The following ACVR1 variants were observed in gnomAD, a reference collection of about 807,000 sequenced individuals.
ACVR1 encodes activin A receptor type 1, also known as activin receptor type-1.
Under a neutral mutation model 57.1 loss-of-function variants are expected in ACVR1, and 38 were observed. That is an observed-to-expected ratio of 0.67 (90% CI 0.51 to 0.87). The LOEUF is 0.87. Ranked by LOEUF, ACVR1 falls within the 40% of genes least tolerant of loss-of-function variation. ACVR1 has a pLI of 0.00. For missense variants in ACVR1, 463 were observed against 638.2 expected (o/e 0.73, Z 2.96); for synonymous variants, 212 against 228.1 (o/e 0.93, Z 0.63).
intron 9 of ACVR1, among the ~76,000 whole-genome samples, chr2:157,740,445 C>A (rs945827360): frequency 1.3e-5 from 2 of 152,112 alleles, no homozygotes; most frequent in Non-Finnish European, 2.9e-5. Flanking sequence ...TACAGCTGAA[C>A]ATGGACCTAG....
intron 1 of ACVR1, among the ~76,000 whole-genome samples, chr2:157,850,920 G>A (rs1689276588): frequency 6.6e-6 from 1 of 152,134 alleles, no homozygotes; most frequent in African/African-American, 2.4e-5. Context: ...TCGCGCCACT[G>A]CACTCCAGTC....
intron 3 of ACVR1, among the ~76,000 whole-genome samples, chr2:157,789,756 C>T (rs1384693428): frequency 6.6e-6 from 1 of 152,166 alleles, no homozygotes; most frequent in African/African-American, 2.4e-5. Context: ...AATAATCTAG[C>T]AAAGAGACAC....
chr2:157,750,631 G>T (rs1215696099), intron 9 of ACVR1, among the ~76,000 whole-genome samples: 3 of 152,166 alleles, frequency 2.0e-5, no homozygotes, highest in Admixed American at 2.0e-4. Flanking sequence ...AAAATTGGGA[G>T]AAACAAAGGT....
chr2:157,864,304 C>T (rs1048875013), intron 1 of ACVR1, among the ~76,000 whole-genome samples: 4 of 151,932 alleles, frequency 2.6e-5, no homozygotes, highest in Admixed American at 1.3e-4. Context: ...CATGACCTCC[C>T]TGTTCAAGTA....
Position 157,778,278 on chromosome 2 carries a change from C to T in ACVR1, c.396G>A (p.Val132=). 1.9e-6 allele frequency: 3 copies of T among 1,614,056 alleles called. No homozygotes were observed. Among genetic ancestry groups the T allele is most frequent in the Non-Finnish European group, 2.5e-6 (3 of 1,179,992 alleles). Residue 132 remains valine (V), a synonymous_variant, in exon 5 of 11, where the codon GTG becomes GTA. Transcript: ENST00000434821. Reference sequence around the variant, plus strand: ...GGCAGGCTAAAAGACATACTGCGAACACTACAGAGAGAATAATGAGGCCAA... The same window carrying T: ...GGCAGGCTAAAAGACATACTGCGAATACTACAGAGAGAATAATGAGGCCAA... The part of the protein sequence containing the change: ...LEVGLIILSV[V]FAVCLLACLL...
At chr2:157,783,344 C>T (rs377451421) in intron 3 of ACVR1, among the ~76,000 whole-genome samples, 36 of 152,296 alleles carry the variant, frequency 2.4e-4, no homozygotes, top group African/African-American at 6.5e-4. Flanking sequence ...GCCTGGCAGA[C>T]GTTTGGACTA....
chr2:157,824,616 G>A (rs1024859401), intron 1 of ACVR1, among the ~76,000 whole-genome samples: 1 of 152,170 alleles, frequency 6.6e-6, no homozygotes, highest in African/African-American at 2.4e-5. Context: ...CAAACAGGAA[G>A]GCTACAGACT....
intron 1 of ACVR1, among the ~76,000 whole-genome samples, chr2:157,836,470 A>T (rs1688786788): frequency 6.6e-6 from 1 of 152,126 alleles, no homozygotes. Flanking sequence ...TCCTCCCTAC[A>T]CATTTTATCC....
chr2:157,839,618 T>C (rs1457369523), intron 1 of ACVR1, among the ~76,000 whole-genome samples: 3 of 152,176 alleles, frequency 2.0e-5, no homozygotes, highest in South Asian at 2.1e-4. Context: ...GGAAAGCTAA[T>C]TGATCTAATG....
chr2:157,799,113 C>G (rs1012135430), intron 3 of ACVR1, among the ~76,000 whole-genome samples: 3 of 152,012 alleles, frequency 2.0e-5, no homozygotes, highest in Non-Finnish European at 2.9e-5. Flanking sequence ...TCTGGCTGAT[C>G]TCGAACTCCT....
chr2:157,846,526 T>C (rs1689130496), intron 1 of ACVR1, among the ~76,000 whole-genome samples: 1 of 152,176 alleles, frequency 6.6e-6, no homozygotes, highest in Admixed American at 6.5e-5. Context: ...ACTTCCTAAC[T>C]CAGATGCTTC....
intron 1 of ACVR1, among the ~76,000 whole-genome samples, chr2:157,858,532 C>T (rs775114387): frequency 7.2e-5 from 11 of 152,226 alleles, no homozygotes; most frequent in Non-Finnish European, 8.8e-5. Flanking sequence ...AGTGCAGTGG[C>T]GCAACCTTGG....
intron 1 of ACVR1, among the ~76,000 whole-genome samples, chr2:157,836,231 A>G (rs750617598): frequency 6.6e-6 from 1 of 152,162 alleles, no homozygotes; most frequent in African/African-American, 2.4e-5. Context: ...ACTTTTTTGG[A>G]AATGCCTAAC....
intron 1 of ACVR1, among the ~76,000 whole-genome samples, chr2:157,824,207 C>G (rs2105335553): frequency 6.6e-6 from 1 of 152,276 alleles, no homozygotes; most frequent in Middle Eastern, 3.4e-3. Context: ...GTGGCTTATG[C>G]CTGTAATCCC....
intron 5 of ACVR1, 40 bp downstream of exon 5, chr2:157,778,091 C>T (rs1165269441): frequency 1.3e-6 from 2 of 1,599,374 alleles, no homozygotes; most frequent in East Asian, 2.2e-5. Flanking sequence ...CTCCAGACAC[C>T]TTCCTTATGC....
chr2:157,746,875 A>G (rs552893828), intron 9 of ACVR1, among the ~76,000 whole-genome samples: 42 of 152,378 alleles, frequency 2.8e-4, no homozygotes, highest in Non-Finnish European at 5.0e-4. Flanking sequence ...AAAGGACACT[A>G]TTGAGAAATG....
chr2:157,786,855 T>C (rs937671274), intron 3 of ACVR1, among the ~76,000 whole-genome samples: 2 of 152,152 alleles, frequency 1.3e-5, no homozygotes, highest in Non-Finnish European at 2.9e-5. Context: ...AAGCTGCCCC[T>C]GCTCCTTGCT....
chr2:157,778,149 A>T lies in ACVR1; in HGVS notation c.525T>A (p.Val175=), dbSNP rs371512479. ...GTIEGLITTN[V]GDSTLADLLD... Reference sequence around the variant, plus strand: ...GACTTACTGCTAAAGTGCTGTCTCCAACATTGGTGGTGATGAGCCCTTCGA... The same window carrying T: ...GACTTACTGCTAAAGTGCTGTCTCCTACATTGGTGGTGATGAGCCCTTCGA... Residue 175 remains valine (V), a synonymous_variant, in exon 5 of 11, where the codon GTT becomes GTA. Transcript: ENST00000434821. 1.5e-5 allele frequency: 24 copies of T among 1,613,776 alleles called. No individual in the cohort carries two copies. The South Asian group carries it at 2.5e-4, about 17-fold the overall frequency.
chr2:157,760,812 C>A, intron 9 of ACVR1, 68 bp downstream of exon 9: 1 of 1,463,114 alleles, frequency 6.8e-7, no homozygotes, highest in Non-Finnish European at 9.5e-7. Context: ...GTCCCTTCAG[C>A]CCTTTTAAAG....
Sources: gnomAD v4.1 joint callset for allele counts (sites outside exome capture counted in the v4.1 genomes callset) on GRCh38, gnomAD v4.1.1 for gene constraint, MANE v1.5 for transcripts, NCBI Gene and HGNC (gene_info 2026-07-23, HGNC 2026-07-21) for gene names.